Variants in STPG2 observed in about 807,000 individuals in gnomAD.
The protein encoded by STPG2 is sperm tail PG-rich repeat containing 2.
In STPG2, 56 loss-of-function variants were observed where a neutral mutation model predicts 54.2. The observed-to-expected ratio is 1.03, with a 90% CI of 0.83 to 1.29. The LOEUF is 1.29. Among genes scored for constraint, STPG2 ranks in the 50% most tolerant of loss-of-function variants. The probability of loss-of-function intolerance (pLI) is 0.00; values close to 1 mark genes in which losing one functional copy is unlikely to be tolerated. For missense variants in STPG2, 596 were observed against 544.9 expected, an observed-to-expected ratio of 1.09 and a Z score of -0.93; for synonymous variants, 200 against 181.8, an observed-to-expected ratio of 1.10 and a Z score of -0.81.
intron 9 of STPG2, among the ~76,000 whole-genome samples, chr4:97,801,643 A>T (rs998769294): frequency 2.6e-5 from 4 of 152,182 alleles, no homozygotes; most frequent in Admixed American, 6.5e-5. Flanking sequence ...AAAACCCTTT[A>T]AAAAATGTCT....
At chr4:97,553,577 A>C (rs936526505) in intron 4 of STPG2, among the ~76,000 whole-genome samples, 1 of 152,096 alleles carries the variant, frequency 6.6e-6, no homozygotes, top group Non-Finnish European at 1.5e-5. Context: ...GTTTTAGGTA[A>C]AAAAAAGTAT....
intron 9 of STPG2, among the ~76,000 whole-genome samples, chr4:97,744,471 C>T (rs1292075186): frequency 1.3e-5 from 2 of 150,978 alleles, no homozygotes; most frequent in Non-Finnish European, 3.0e-5. Flanking sequence ...AAACATTTGG[C>T]AATATAATTT....
At chr4:97,716,648 A>G (rs1369570906) in intron 9 of STPG2, among the ~76,000 whole-genome samples, 1 of 148,524 alleles carries the variant, frequency 6.7e-6, no homozygotes, top group Non-Finnish European at 1.5e-5. Flanking sequence ...GAGATGAACA[A>G]TGAGAACACA....
chr4:97,825,981 A>G (rs1728247112), intron 9 of STPG2, among the ~76,000 whole-genome samples: 1 of 152,110 alleles, frequency 6.6e-6, no homozygotes, highest in African/African-American at 2.4e-5. Flanking sequence ...GACTTTTCTC[A>G]ATTATTCAGT....
At chr4:97,782,509 T>C (rs1726676953) in intron 9 of STPG2, among the ~76,000 whole-genome samples, 1 of 152,166 alleles carries the variant, frequency 6.6e-6, no homozygotes, top group South Asian at 2.1e-4. Flanking sequence ...CTGACCAAGG[T>C]AATTTACACA....
At chr4:97,706,386 C>A (rs1261911606) in intron 10 of STPG2, among the ~76,000 whole-genome samples, 1 of 152,114 alleles carries the variant, frequency 6.6e-6, no homozygotes, top group Non-Finnish European at 1.5e-5. Flanking sequence ...GTAGAGCCCT[C>A]GTGAATGGAA....
At chr4:97,694,048 T>C (rs1380377529) in intron 10 of STPG2, among the ~76,000 whole-genome samples, 1 of 152,026 alleles carries the variant, frequency 6.6e-6, no homozygotes, top group Non-Finnish European at 1.5e-5. Flanking sequence ...ATCAAACACC[T>C]ACATCAAAAA....
At chr4:97,833,793 A>G (rs1170938439) in intron 9 of STPG2, among the ~76,000 whole-genome samples, 1 of 152,224 alleles carries the variant, frequency 6.6e-6, no homozygotes, top group African/African-American at 2.4e-5. Flanking sequence ...AGAAATGCAA[A>G]TCAAAACCAC....
chr4:97,953,004 G>A (rs1733530951), intron 7 of STPG2, among the ~76,000 whole-genome samples: 1 of 152,128 alleles, frequency 6.6e-6, no homozygotes, highest in Admixed American at 6.6e-5. Flanking sequence ...ATGTTACCCA[G>A]GGGAGATACT....
intron 8 of STPG2, among the ~76,000 whole-genome samples, chr4:97,891,769 T>C (rs1730778794): frequency 6.6e-6 from 1 of 152,158 alleles, no homozygotes. Context: ...TTTTCTGGAT[T>C]GGAATTACCT....
chr4:97,933,977 T>C (rs1227184858), intron 8 of STPG2, among the ~76,000 whole-genome samples: 1 of 152,208 alleles, frequency 6.6e-6, no homozygotes, highest in Non-Finnish European at 1.5e-5. Context: ...TTCATGACAT[T>C]GATTCTTCCC....
intron 10 of STPG2, among the ~76,000 whole-genome samples, chr4:97,599,750 G>A (rs1733406276): frequency 6.6e-6 from 1 of 151,400 alleles, no homozygotes; most frequent in Non-Finnish European, 1.5e-5. Context: ...CGTGAACCTC[G>A]GAGGTGGAGC....
At chr4:97,495,985 T>C (rs2148830166) in intron 4 of STPG2, among the ~76,000 whole-genome samples, 1 of 151,740 alleles carries the variant, frequency 6.6e-6, no homozygotes, top group South Asian at 2.1e-4. Context: ...CCAAGTTTCA[T>C]GAGTACATTA....
chr4:97,793,536 A>G (rs1478433132), intron 9 of STPG2, among the ~76,000 whole-genome samples: 1 of 152,102 alleles, frequency 6.6e-6, no homozygotes, highest in Non-Finnish European at 1.5e-5. Flanking sequence ...ATGAGTGAAT[A>G]AGAGTGCTTA....
At position 97,994,894 on chromosome 4, in the gene STPG2, A is replaced by G. The variant is rs1257971756; in HGVS notation, c.613-13576T>C. ...GATTATGTCCTTTGTCTTCAGCTAC[A>G]AGGGCAGGTAGAGAAAGATCATCAG... On this transcript the variant is annotated intron_variant, in intron 5 of 10. Coordinates refer to ENST00000295268, the MANE Select transcript of STPG2 (RefSeq NM_174952.3). 2.0e-5 allele frequency among the ~76,000 whole-genome samples: 3 copies of G among 152,220 alleles called. 1 individual carries two copies. In the South Asian group the frequency reaches 6.2e-4, roughly 32 times the overall value.
At chr4:97,592,796 T>C (rs1733179315) in intron 10 of STPG2, among the ~76,000 whole-genome samples, 1 of 152,068 alleles carries the variant, frequency 6.6e-6, no homozygotes, top group East Asian at 1.9e-4. Context: ...CCTCTCACCA[T>C]AGACCACTGG....
intron 3 of STPG2, among the ~76,000 whole-genome samples, chr4:98,110,378 T>C (rs545904347): frequency 6.6e-6 from 1 of 152,172 alleles, no homozygotes; most frequent in South Asian, 2.1e-4. Flanking sequence ...AAAGGCAAAA[T>C]GGCCGTGTTT....
chr4:97,745,339 T>A lies in STPG2; in HGVS notation c.1205-32525A>T, dbSNP rs532892740. Among the ~76,000 whole-genome samples the A allele has an allele frequency of 1.1e-4, 17 of 150,998 alleles. No homozygotes were observed. The East Asian group carries it at 3.3e-3, about 29-fold the overall frequency. On this transcript the variant is annotated intron_variant, in intron 9 of 10. Coordinates refer to ENST00000295268, the MANE Select transcript of STPG2 (RefSeq NM_174952.3). ...AATTCAAATCAATAAAAAGCAATTATGACATATTTAATTTTATTCCATTTT... is the reference window on the plus strand; with the variant it reads ...AATTCAAATCAATAAAAAGCAATTAAGACATATTTAATTTTATTCCATTTT...
intron 5 of STPG2, among the ~76,000 whole-genome samples, chr4:98,033,626 C>A (rs1395881078): frequency 6.6e-6 from 1 of 152,182 alleles, no homozygotes; most frequent in African/African-American, 2.4e-5. Context: ...ATCCTCATAC[C>A]AAAACCTGGC....
Sources: allele counts gnomAD v4.1 joint callset (sites outside exome capture counted in the v4.1 genomes callset), GRCh38; gene constraint gnomAD v4.1.1; transcripts MANE v1.5; gene names NCBI Gene and HGNC (gene_info 2026-07-23, HGNC 2026-07-21).